BANF2: variants seen among roughly 807,000 people sequenced by gnomAD.
BANF2 encodes BANF family member 2, also known as barrier-to-autointegration factor-like protein.
In BANF2, 4 loss-of-function variants were observed where a neutral mutation model predicts 8.0. The ratio of observed to expected loss-of-function variants is 0.50; its 90% CI spans 0.25 to 1.14. BANF2 has a LOEUF of 1.14. Among genes scored for constraint, BANF2 ranks in the 50% most tolerant of loss-of-function variants. BANF2 has a pLI of 0.16. For missense variants in BANF2, 96 were observed against 107.5 expected (o/e 0.89, Z 0.47); for synonymous variants, 50 against 40.6 (o/e 1.23, Z -0.88).
chr20:17,721,550 C>T (rs925504587), intron 1 of BANF2, among the ~76,000 whole-genome samples: 1 of 152,058 alleles, frequency 6.6e-6, no homozygotes, highest in Non-Finnish European at 1.5e-5. Context: ...CACCACTACG[C>T]CTGGCTAATT....
intron 1 of BANF2, among the ~76,000 whole-genome samples, chr20:17,715,879 G>A (rs774778070): frequency 5.9e-5 from 9 of 152,204 alleles, no homozygotes; most frequent in African/African-American, 7.2e-5. Context: ...GGTAGTCGCC[G>A]TCAGGCATGT....
Position 17,703,506 on chromosome 20 carries a change from C to T in BANF2, c.-167+3451C>T, listed in dbSNP as rs11696810. Among the ~76,000 whole-genome samples, 62 of 152,246 alleles carry T rather than the reference C, an allele frequency of 4.1e-4. No individual in the cohort carries two copies. The South Asian group carries it at 7.3e-3, about 18-fold the overall frequency. Reference sequence around the variant, plus strand: ...GTGTGACAAAATAACATGAGCACAGCGGCCTAGAACAGCAAAGATTCGTAT... The same window carrying T: ...GTGTGACAAAATAACATGAGCACAGTGGCCTAGAACAGCAAAGATTCGTAT... On this transcript the variant is annotated intron_variant, in intron 1 of 3. Transcript: ENST00000246090.
At chr20:17,720,113 C>T (rs1046842652) in intron 1 of BANF2, among the ~76,000 whole-genome samples, 1 of 152,102 alleles carries the variant, frequency 6.6e-6, no homozygotes, top group South Asian at 2.1e-4. Context: ...CATGTGAGGC[C>T]TAATGTGCTG....
intron 1 of BANF2, among the ~76,000 whole-genome samples, chr20:17,717,492 C>A (rs551135840): frequency 2.6e-5 from 4 of 151,782 alleles, no homozygotes; most frequent in Admixed American, 2.0e-4. Flanking sequence ...ATGAAGGCAC[C>A]GAGCAAAAGA....
intron 1 of BANF2, among the ~76,000 whole-genome samples, chr20:17,713,646 C>T (rs1053495837): frequency 3.9e-5 from 6 of 151,960 alleles, no homozygotes; most frequent in African/African-American, 1.5e-4. Flanking sequence ...CCAGCCTGGG[C>T]AACATAGCAA....
chr20:17,700,874 CA>C (rs1164721556), intron 1 of BANF2, among the ~76,000 whole-genome samples: 2 of 152,204 alleles, frequency 1.3e-5, no homozygotes, highest in Non-Finnish European at 2.9e-5. Context: ...TGTTTTCCCA[CA>C]GTCTGTCTAC....
intron 1 of BANF2, among the ~76,000 whole-genome samples, chr20:17,708,711 T>G (rs1363821426): frequency 6.6e-6 from 1 of 152,220 alleles, no homozygotes; most frequent in Non-Finnish European, 1.5e-5. Context: ...TGATTTGAAC[T>G]TTTAATAGAT....
chr20:17,735,582 C>G (rs539228761), intron 3 of BANF2, 83 bp from the exon 4 acceptor site: 1 of 1,474,574 alleles, frequency 6.8e-7, no homozygotes, highest in Non-Finnish European at 9.3e-7. Flanking sequence ...CACGTGAGCC[C>G]TGGTTGCTGG....
chr20:17,706,434 A>G (rs1308772601), intron 1 of BANF2, among the ~76,000 whole-genome samples: 1 of 152,172 alleles, frequency 6.6e-6, no homozygotes, highest in African/African-American at 2.4e-5. Flanking sequence ...GCTTAACACG[A>G]AGGATTCAAG....
At chr20:17,730,578 G>A (rs1278457783) in intron 3 of BANF2, among the ~76,000 whole-genome samples, 2 of 152,106 alleles carry the variant, frequency 1.3e-5, no homozygotes, top group Non-Finnish European at 2.9e-5. Context: ...GGCAGCCAAC[G>A]ATAGCCCTAC....
In BANF2 at chr20:17,713,087, C is replaced by T. The variant is rs118007768; in HGVS notation, c.-166-9629C>T. Among the ~76,000 whole-genome samples, 747 of 151,340 alleles carry T rather than the reference C, an allele frequency of 4.9e-3. 10 individuals are homozygous for T. Among genetic ancestry groups the T allele is most frequent in the East Asian group, 0.039 (196 of 5,088 alleles). On this transcript the variant is annotated intron_variant, in intron 1 of 3. Coordinates refer to ENST00000246090, the MANE Select transcript of BANF2 (RefSeq NM_178477.5). ...ACTTAGGGAGACCCCCCGATCTCTACGAAAAAATTAAAAAATTAGCTGAGC... is the reference window on the plus strand; with the variant it reads ...ACTTAGGGAGACCCCCCGATCTCTATGAAAAAATTAAAAAATTAGCTGAGC...
At chr20:17,726,288 C>T (rs552286162) in intron 3 of BANF2, among the ~76,000 whole-genome samples, 3 of 152,266 alleles carry the variant, frequency 2.0e-5, no homozygotes, top group South Asian at 4.1e-4. Flanking sequence ...CAGGCTCAAG[C>T]GATCCTCTCA....
At chr20:17,696,073 A>C (rs1043705498), upstream of BANF2, among the ~76,000 whole-genome samples, 4 of 152,240 alleles carry the variant, frequency 2.6e-5, no homozygotes, top group African/African-American at 9.6e-5. Context: ...ATGGACATTC[A>C]CCTGTTAATG....
chr20:17,694,470 C>A (rs1389292765), intron 1 of BANF2, among the ~76,000 whole-genome samples: 2 of 151,976 alleles, frequency 1.3e-5, no homozygotes, highest in Non-Finnish European at 2.9e-5. Flanking sequence ...GGAAGTAGTG[C>A]TCATGAGCAA....
intron 1 of BANF2, chr20:17,712,636 T>G (rs2037591221): frequency 1.4e-6 from 1 of 738,162 alleles, no homozygotes; most frequent in Non-Finnish European, 1.7e-6. Flanking sequence ...GTGAGCCTTC[T>G]TCCTCTTTCT....
At chr20:17,703,028 T>C (rs2122569620) in intron 1 of BANF2, among the ~76,000 whole-genome samples, 1 of 152,270 alleles carries the variant, frequency 6.6e-6, no homozygotes, top group Middle Eastern at 3.4e-3. Flanking sequence ...CATTCCCCTC[T>C]CCTGGCTTTC....
At chr20:17,729,774 C>A (rs1467386086) in intron 3 of BANF2, among the ~76,000 whole-genome samples, 1 of 152,184 alleles carries the variant, frequency 6.6e-6, no homozygotes, top group East Asian at 1.9e-4. Context: ...TCTGCACATG[C>A]CCCAAGAGTC....
upstream of BANF2, among the ~76,000 whole-genome samples, chr20:17,697,997 G>A (rs1232083359): frequency 1.3e-5 from 2 of 152,022 alleles, no homozygotes; most frequent in Non-Finnish European, 2.9e-5. Context: ...CTGAGGTCAG[G>A]AGTTTGAGAC....
Position 17,735,736 on chromosome 20 carries a change from C to T in BANF2, c.198C>T (p.Cys66=). The change falls in exon 4 of 4, where the codon TGC becomes TGT. Residue 66 remains cysteine, a synonymous_variant. Coordinates refer to ENST00000246090, the MANE Select transcript of BANF2 (RefSeq NM_178477.5). The part of the protein sequence containing the change: ...NEAEFQRWLI[C]CFGATECEAQ... ...CCGAGTTTCAGAGGTGGCTCATTTG[C>T]TGTTTTGGTGCCACTGAGTGTGAGG... The T allele has an allele frequency of 6.2e-7, 1 of 1,613,850 alleles. No individual in the cohort carries two copies. The highest frequency in any genetic ancestry group is 8.5e-7 in the Non-Finnish European group (1 of 1,179,798).
Sources: gnomAD v4.1 joint callset for allele counts (sites outside exome capture counted in the v4.1 genomes callset) on GRCh38, gnomAD v4.1.1 for gene constraint, MANE v1.5 for transcripts, NCBI Gene and HGNC (gene_info 2026-07-23, HGNC 2026-07-21) for gene names.